Variants in KCND2 observed in about 807,000 individuals in gnomAD.
The protein encoded by KCND2 is potassium voltage-gated channel subfamily D member 2.
Under a neutral mutation model 54.4 loss-of-function variants are expected in KCND2, and 16 were observed. The ratio of observed to expected loss-of-function variants is 0.29; its 90% CI spans 0.20 to 0.45. The LOEUF (loss-of-function observed/expected upper bound fraction) is 0.45, where lower values mean the gene tolerates loss of function less well. KCND2 is among the 20% of genes least tolerant of loss of function. The probability of loss-of-function intolerance (pLI) is 1.00; values close to 1 mark genes in which losing one functional copy is unlikely to be tolerated. For synonymous variants in KCND2, 317 were observed against 310.7 expected (o/e 1.02, Z -0.21); for missense variants, 486 against 824.2 (o/e 0.59, Z 5.02).
chr7:120,290,630 A>C (rs1478947274), intron 1 of KCND2, among the ~76,000 whole-genome samples: 5 of 152,014 alleles, frequency 3.3e-5, no homozygotes, highest in African/African-American at 1.2e-4. Flanking sequence ...CCATATGGAG[A>C]ATATTTCCAA....
rs115776666 is a variant in KCND2, at chr7:120,615,088, A to G, written c.1116-117815A>G. ...CTGAAAACCTGAGTGATGTTTTTTA[A>G]CCAAGATCACACAACTACATACCAT... is the stretch of plus-strand genomic sequence containing the variant. On this transcript the variant is annotated intron_variant, in intron 1 of 5. Coordinates refer to ENST00000331113, the MANE Select transcript of KCND2 (RefSeq NM_012281.3). 9.5e-3 allele frequency among the ~76,000 whole-genome samples: 1,446 copies of G among 152,288 alleles called. 23 individuals are homozygous for G. The highest frequency in any genetic ancestry group is 0.033 in the African/African-American group (1,360 of 41,554).
chr7:120,717,278 G>A (rs975953843), intron 1 of KCND2, among the ~76,000 whole-genome samples: 3 of 152,110 alleles, frequency 2.0e-5, no homozygotes, highest in African/African-American at 7.2e-5. Context: ...GTCAGGAGCA[G>A]ACAATGTCAA....
intron 2 of KCND2, among the ~76,000 whole-genome samples, chr7:120,734,064 T>A (rs942682292): frequency 1.3e-5 from 2 of 152,078 alleles, no homozygotes; most frequent in East Asian, 3.9e-4. Flanking sequence ...GCTCAGAAAC[T>A]CCAGCACAGC....
At chr7:120,677,802 G>A (rs1792085582) in intron 1 of KCND2, among the ~76,000 whole-genome samples, 1 of 151,914 alleles carries the variant, frequency 6.6e-6, no homozygotes, top group African/African-American at 2.4e-5. Flanking sequence ...AGCTTCTGAA[G>A]GAGAAGATTG....
chr7:120,391,886 A>G (rs1035728069), intron 1 of KCND2, among the ~76,000 whole-genome samples: 26 of 151,946 alleles, frequency 1.7e-4, no homozygotes, highest in African/African-American at 5.6e-4. Flanking sequence ...CTCTGATGGT[A>G]GTTTCTTTTG....
intron 1 of KCND2, among the ~76,000 whole-genome samples, chr7:120,633,791 A>G (rs78004722): frequency 0.13 from 19,162 of 152,170 alleles, 1,694 homozygotes; most frequent in East Asian, 0.46. Context: ...AAACTTACTA[A>G]TAACTCATGA....
At chr7:120,340,206 A>T (rs1800221377) in intron 1 of KCND2, among the ~76,000 whole-genome samples, 1 of 152,266 alleles carries the variant, frequency 6.6e-6, no homozygotes, top group Admixed American at 6.5e-5. Context: ...AAAGGAATAT[A>T]GTAATCCACG....
chr7:120,705,361 T>C (rs1792454725), intron 1 of KCND2, among the ~76,000 whole-genome samples: 1 of 152,134 alleles, frequency 6.6e-6, no homozygotes, highest in South Asian at 2.1e-4. Flanking sequence ...GAAAGTAATT[T>C]ATTTGGCTGT....
At chr7:120,717,392 T>C (rs1434862143) in intron 1 of KCND2, among the ~76,000 whole-genome samples, 1 of 152,160 alleles carries the variant, frequency 6.6e-6, no homozygotes, top group East Asian at 1.9e-4. Context: ...CATCATTCTA[T>C]TTAGAAGTGC....
intron 1 of KCND2, among the ~76,000 whole-genome samples, chr7:120,375,875 A>T (rs1463878050): frequency 6.6e-6 from 1 of 151,814 alleles, no homozygotes; most frequent in East Asian, 1.9e-4. Context: ...AATCAAAATA[A>T]GATATGTAGG....
chr7:120,380,883 A>G (rs1800907807), intron 1 of KCND2, among the ~76,000 whole-genome samples: 4 of 152,102 alleles, frequency 2.6e-5, no homozygotes. Context: ...CATTTACCTC[A>G]AGAGCATTGG....
chr7:120,451,094 C>T (rs1802099572), intron 1 of KCND2, among the ~76,000 whole-genome samples: 1 of 152,196 alleles, frequency 6.6e-6, no homozygotes, highest in African/African-American at 2.4e-5. Context: ...CTCTTACCCA[C>T]AGTGGTCCAT....
intron 1 of KCND2, among the ~76,000 whole-genome samples, chr7:120,426,574 T>G (rs1487919374): frequency 6.7e-6 from 1 of 148,866 alleles, no homozygotes; most frequent in Non-Finnish European, 1.5e-5. Flanking sequence ...ACGTTTTTTG[T>G]GGGGTTTTTC....
At chr7:120,457,430 C>A (rs1480258403) in intron 1 of KCND2, among the ~76,000 whole-genome samples, 1 of 152,144 alleles carries the variant, frequency 6.6e-6, no homozygotes, top group African/African-American at 2.4e-5. Flanking sequence ...TGCCAGATAC[C>A]CTAAATCATC....
At position 120,377,946 on chromosome 7, in the gene KCND2, C is replaced by A. The variant is rs1002793165; in HGVS notation, c.1115+102199C>A. 7.9e-5 allele frequency among the ~76,000 whole-genome samples: 12 copies of A among 151,968 alleles called. 2 individuals carry two copies. The East Asian group carries it at 2.1e-3, about 27-fold the overall frequency. ...CATGTTGCATATGTAATGTGACCCC[C>A]ACTAAAGCAATTAAATTATTGGTTC... On this transcript the variant is annotated intron_variant, in intron 1 of 5. Coordinates refer to ENST00000331113, the MANE Select transcript of KCND2 (RefSeq NM_012281.3).
chr7:120,545,170 T>A (rs1792028400), intron 1 of KCND2, among the ~76,000 whole-genome samples: 1 of 151,944 alleles, frequency 6.6e-6, no homozygotes, highest in South Asian at 2.1e-4. Flanking sequence ...AGAAACTTGA[T>A]GTATGCTGTC....
rs561596320 is a variant in KCND2, at chr7:120,699,133, T to A, written c.1116-33770T>A. On this transcript the variant is annotated intron_variant, in intron 1 of 5. Transcript: ENST00000331113. Reference sequence around the variant, plus strand: ...GTCTCCACTAAAAAATACAAAAAAATTAGCCGGGTGTGGTGGCGGGTACCT... The same window carrying A: ...GTCTCCACTAAAAAATACAAAAAAAATAGCCGGGTGTGGTGGCGGGTACCT... Among the ~76,000 whole-genome samples, 7 of 151,894 alleles carry A rather than the reference T, an allele frequency of 4.6e-5. 1 individual carries two copies. Among genetic ancestry groups the A allele is most frequent in the Admixed American group, 2.0e-4 (3 of 15,258 alleles).
At chr7:120,521,804 G>A (rs973869906) in intron 1 of KCND2, among the ~76,000 whole-genome samples, 10 of 152,100 alleles carry the variant, frequency 6.6e-5, no homozygotes, top group African/African-American at 1.9e-4. Context: ...ATAAACACAC[G>A]TATACTTGAA....
At chr7:120,347,443 G>T (rs187451225) in intron 1 of KCND2, among the ~76,000 whole-genome samples, 2 of 152,070 alleles carry the variant, frequency 1.3e-5, no homozygotes, top group Non-Finnish European at 2.9e-5. Context: ...AGAAGGAAGC[G>T]CTCATGTTTG....
Sources: allele counts gnomAD v4.1 joint callset (sites outside exome capture counted in the v4.1 genomes callset), GRCh38; gene constraint gnomAD v4.1.1; transcripts MANE v1.5; gene names NCBI Gene and HGNC (gene_info 2026-07-23, HGNC 2026-07-21).